The following SORT1 variants were observed in gnomAD, a reference collection of about 807,000 sequenced individuals.
SORT1 encodes sortilin.
Under a neutral mutation model 101.7 loss-of-function variants are expected in SORT1, and 39 were observed. The ratio of observed to expected loss-of-function variants is 0.38; its 90% confidence interval spans 0.30 to 0.50. The LOEUF (loss-of-function observed/expected upper bound fraction) is 0.50, where lower values mean the gene tolerates loss of function less well. SORT1 is among the 20% of genes least tolerant of loss of function. The pLI is 0.90. For synonymous variants in SORT1, 396 were observed against 393.7 expected (o/e 1.01, Z -0.07); for missense variants, 878 against 1,040.4 (o/e 0.84, Z 2.15).
chr1:109,387,863 C>T (rs756760502), intron 1 of SORT1, among the ~76,000 whole-genome samples: 4 of 152,078 alleles, frequency 2.6e-5, no homozygotes, highest in Admixed American at 6.5e-5. Flanking sequence ...AGGCAGAGAA[C>T]TGCTTGAGCC....
rs766851528 is a variant in SORT1, at chr1:109,367,488, A to G, written c.367-7T>C. 1.9e-6 allele frequency: 3 copies of G among 1,560,600 alleles called. No homozygotes were observed. The highest frequency in any genetic ancestry group is 2.2e-5 in the South Asian group (2 of 88,894). On this transcript the variant is annotated splice_region_variant and splice_polypyrimidine_tract_variant and intron_variant, in intron 2 of 19. Transcript: ENST00000256637. ...TAGTCAAGACTAGAATGACCTGGAG[A>G]GAGAAAAAAGCATTCCGTAAATAAA...
chr1:109,345,724 C>T, intron 8 of SORT1, 27 bp downstream of exon 8: 1 of 1,590,726 alleles, frequency 6.3e-7, no homozygotes, highest in South Asian at 1.2e-5. Context: ...AAATATCAGA[C>T]CCCAAAGGGG....
At chr1:109,343,892 T>G (rs1194146005) in intron 8 of SORT1, among the ~76,000 whole-genome samples, 1 of 152,140 alleles carries the variant, frequency 6.6e-6, no homozygotes, top group Non-Finnish European at 1.5e-5. Flanking sequence ...CTCAAGTGAT[T>G]TGCTCGTCTT....
chr1:109,370,682 T>C, intron 1 of SORT1, among the ~76,000 whole-genome samples: 1 of 152,200 alleles, frequency 6.6e-6, no homozygotes, highest in Admixed American at 6.5e-5. Flanking sequence ...AGACTTATAA[T>C]CTTACTAAGA....
intron 10 of SORT1, among the ~76,000 whole-genome samples, chr1:109,338,795 C>G (rs944431382): frequency 4.6e-5 from 7 of 152,100 alleles, no homozygotes; most frequent in African/African-American, 1.7e-4. Flanking sequence ...TCTGTCCCTG[C>G]TGGACTGTCC....
At chr1:109,373,009 T>C (rs1149176) in intron 1 of SORT1, among the ~76,000 whole-genome samples, 147,615 of 151,976 alleles carry the variant, frequency 0.97, 71,837 homozygotes, top group Middle Eastern at 1. Context: ...GAGGCAAGAT[T>C]GCGCCACTGC....
At chr1:109,386,314 C>T (rs755786564) in intron 1 of SORT1, among the ~76,000 whole-genome samples, 1 of 152,174 alleles carries the variant, frequency 6.6e-6, no homozygotes, top group Non-Finnish European at 1.5e-5. Context: ...GGGAGTAAAA[C>T]TTCTATAAAT....
rs1440539530 is a variant in SORT1, at chr1:109,327,597, C to T, written c.1376G>A (p.Ser459Asn). The change falls in exon 12 of 20, where the codon AGC becomes AAC. Residue 459 changes from serine to asparagine, a missense_variant. By Grantham distance (46) the Ser-to-Asn change is conservative. This residue lies in a region of SORT1 where 684 missense variants were observed against 894.5 expected (regional missense o/e 0.76). Transcript: ENST00000256637. ...GCTGTAGGAAGCATGAATATGAAGG[C>T]TGCACTGTGAAAAGAAACAAAAGCG... ...DATAKNKNECSLHIHASYSIS... is the reference protein window; with the variant it reads ...DATAKNKNECNLHIHASYSIS... 9 of 1,579,708 alleles carry T rather than the reference C, an allele frequency of 5.7e-6. No homozygotes were observed. In the South Asian group the frequency reaches 9.3e-5, roughly 16 times the overall value.
chr1:109,326,488 T>TATACACAC lies in SORT1; in HGVS notation c.1643+503_1643+504insGTGTGTAT, dbSNP rs1570899165. Among the ~76,000 whole-genome samples, 4 of 83,894 alleles carry TATACACAC rather than the reference T, an allele frequency of 4.8e-5. No homozygotes were observed. In the East Asian group the frequency reaches 3.2e-3, roughly 68 times the overall value. The allele number at this position is 83,894 out of a possible 152,430, so 55.0% of individuals were successfully genotyped here. ...ATACATACACACACACACACACATATATATACACACATATATACACACATA... is the reference window on the plus strand; with the variant it reads ...ATACATACACACACACACACACATATATACACACATATACACACATATATACACACATA... On this transcript the variant is annotated intron_variant, in intron 13 of 19. Coordinates refer to ENST00000256637, the MANE Select transcript of SORT1 (RefSeq NM_002959.7).
At chr1:109,326,301 C>A (rs1648018549) in intron 13 of SORT1, among the ~76,000 whole-genome samples, 1 of 148,606 alleles carries the variant, frequency 6.7e-6, no homozygotes, top group African/African-American at 2.5e-5. Context: ...AATCCACCCA[C>A]CTTGGCCTCT....
At chr1:109,328,326 T>C (rs1240728065) in intron 11 of SORT1, among the ~76,000 whole-genome samples, 1 of 152,352 alleles carries the variant, frequency 6.6e-6, no homozygotes, top group South Asian at 2.1e-4. Flanking sequence ...CTGTTTTCTG[T>C]AGCAGCTGCA....
chr1:109,328,585 G>T (rs1419124593), intron 11 of SORT1, among the ~76,000 whole-genome samples: 1 of 152,154 alleles, frequency 6.6e-6, no homozygotes, highest in East Asian at 1.9e-4. Context: ...TTTGTTTGTT[G>T]TTGAGTTGTA....
intron 10 of SORT1, among the ~76,000 whole-genome samples, 186 bp from the exon 11 acceptor site, chr1:109,336,532 G>A (rs1356570113): frequency 1.3e-5 from 2 of 152,216 alleles, no homozygotes; most frequent in East Asian, 3.8e-4. Flanking sequence ...TTGAGGCCAG[G>A]TGCAGTGGTT....
intron 15 of SORT1, among the ~76,000 whole-genome samples, chr1:109,318,844 C>G (rs1647422546): frequency 6.6e-6 from 1 of 152,142 alleles, no homozygotes. Context: ...GAGGTCTTGA[C>G]AAATTGCTCA....
intron 5 of SORT1, among the ~76,000 whole-genome samples, chr1:109,351,319 G>C (rs1332008622): frequency 6.6e-6 from 1 of 152,204 alleles, no homozygotes. Flanking sequence ...AAGGCGCATA[G>C]ATAAGAAGAA....
intron 11 of SORT1, among the ~76,000 whole-genome samples, chr1:109,329,589 TAAGTA>T (rs1648322666): frequency 6.6e-6 from 1 of 152,162 alleles, no homozygotes; most frequent in Admixed American, 6.5e-5. Context: ...AAATAGACTT[TAAGTA>T]AAAAACTATC....
At chr1:109,389,087 A>G (rs989666103) in intron 1 of SORT1, among the ~76,000 whole-genome samples, 8 of 152,170 alleles carry the variant, frequency 5.3e-5, no homozygotes, top group Non-Finnish European at 8.8e-5. Flanking sequence ...TTTAATACAC[A>G]TGCTCCTCAG....
chr1:109,315,589 A>G (rs937315176), intron 17 of SORT1, among the ~76,000 whole-genome samples: 1 of 152,074 alleles, frequency 6.6e-6, no homozygotes, highest in Admixed American at 6.5e-5. Context: ...CAGGTGATCC[A>G]GCTTGACCTC....
intron 15 of SORT1, 100 bp from the exon 16 acceptor site, chr1:109,318,069 C>A: frequency 1.4e-6 from 1 of 728,964 alleles, no homozygotes; most frequent in South Asian, 1.7e-5. Context: ...GTTAACATTC[C>A]AGTCTTGGGT....
Sources: gnomAD v4.1 joint callset for allele counts (sites outside exome capture counted in the v4.1 genomes callset) on GRCh38, gnomAD v4.1.1 for gene constraint, gnomAD v4.1.1 regional missense constraint, MANE v1.5 for transcripts, NCBI Gene and HGNC (gene_info 2026-07-23, HGNC 2026-07-21) for gene names.